Variants in CYLC2 observed in about 807,000 individuals in gnomAD.
CYLC2 encodes cylicin-2.
A neutral mutation model predicts 26.1 loss-of-function variants in CYLC2; 30 were observed. The observed-to-expected ratio is 1.15, with a 90% CI of 0.86 to 1.56. The LOEUF is 1.56. Among genes scored for constraint, CYLC2 ranks in the 40% most tolerant of loss-of-function variants. The pLI is 0.00. For missense variants in CYLC2, 498 were observed against 394.4 expected (o/e 1.26, Z -2.23); for synonymous variants, 158 against 132.8 (o/e 1.19, Z -1.31).
chr9:103,002,404 C>A (rs943215328), intron 2 of CYLC2, among the ~76,000 whole-genome samples: 1 of 119,558 alleles, frequency 8.4e-6, no homozygotes, highest in Non-Finnish European at 1.6e-5. Context: ...CTTGCTCTGT[C>A]GCTCAAGCTG....
At chr9:103,014,004 TTATAA>T (rs1391916299) in intron 6 of CYLC2, among the ~76,000 whole-genome samples, 4 of 115,286 alleles carry the variant, frequency 3.5e-5, no homozygotes, top group Admixed American at 1.1e-4. Context: ...TACAGTTATA[TTATAA>T]TATATTAAAT....
At position 103,005,197 on chromosome 9, in the gene CYLC2, AC is replaced by A; in HGVS notation, c.567del (p.Asn189LysfsTer44). The A allele has an allele frequency of 6.2e-7, 1 of 1,607,708 alleles. No homozygotes were observed. Among genetic ancestry groups the A allele is most frequent in the South Asian group, 1.1e-5 (1 of 90,250 alleles). On this transcript the variant is annotated frameshift_variant, in exon 5 of 8. Coordinates refer to ENST00000374798, the MANE Select transcript of CYLC2 (RefSeq NM_001340.5). LOFTEE classifies it high-confidence loss of function. ...EDEKGGAKKD[N>X]KKDKKDSNKG... Reference sequence around the variant, plus strand: ...GAAAAAGGAGGTGCAAAGAAAGATAACAAAAAAGATAAAAAGGATTCAAACA... The same window carrying A: ...GAAAAAGGAGGTGCAAAGAAAGATAAAAAAAAGATAAAAAGGATTCAAACA...
chr9:103,017,457 T>A (rs1405851132), intron 7 of CYLC2, among the ~76,000 whole-genome samples: 1 of 152,092 alleles, frequency 6.6e-6, no homozygotes, highest in Non-Finnish European at 1.5e-5. Context: ...TAATTGCTCC[T>A]AATTTGGTTT....
In CYLC2 at chr9:103,005,256, G is replaced by A. The variant is rs756585119; in HGVS notation, c.625G>A (p.Glu209Lys). 2 of 1,613,346 alleles carry A rather than the reference G, an allele frequency of 1.2e-6. No homozygotes were observed. The highest frequency in any genetic ancestry group is 1.7e-6 in the Non-Finnish European group (2 of 1,179,802). ...AGACTCGGCAACAGAATCTGAAGGTGAAAAAGGAGGTACAGAGAAAGATAG... is the reference window on the plus strand; with the variant it reads ...AGACTCGGCAACAGAATCTGAAGGTAAAAAAGGAGGTACAGAGAAAGATAG... ...GKDSATESEG[E>K]KGGTEKDSKK... Residue 209 changes from glutamate to lysine, a missense_variant, in exon 5 of 8, where the codon GAA becomes AAA. Glu to Lys is a moderately conservative substitution (Grantham distance 56, BLOSUM62 1). Coordinates refer to ENST00000374798, the MANE Select transcript of CYLC2 (RefSeq NM_001340.5).
At position 103,005,439 on chromosome 9, in the gene CYLC2, G is replaced by C. The variant is rs1173404236; in HGVS notation, c.808G>C (p.Gly270Arg). ...AKKDAKEIKKGKKDKKKPSST... is the reference protein window; with the variant it reads ...AKKDAKEIKKRKKDKKKPSST... Reference sequence around the variant, plus strand: ...GAAAGATGCAAAGGAGATTAAAAAAGGTAAGAAAGATAAGAAGAAGCCCAG... The same window carrying C: ...GAAAGATGCAAAGGAGATTAAAAAACGTAAGAAAGATAAGAAGAAGCCCAG... Residue 270 changes from glycine to arginine, a missense_variant, in exon 5 of 8, where the codon GGT (glycine) becomes CGT (arginine). Transcript: ENST00000374798. The C allele has an allele frequency of 1.9e-6, 3 of 1,613,348 alleles. No individual in the cohort carries two copies. Among genetic ancestry groups the C allele is most frequent in the Non-Finnish European group, 2.5e-6 (3 of 1,179,844 alleles).
chr9:103,013,671 T>C lies in CYLC2; in HGVS notation c.*816+1574T>C, dbSNP rs560396014. Among the ~76,000 whole-genome samples, 782 of 112,630 alleles carry C rather than the reference T, an allele frequency of 6.9e-3. 10 individuals are homozygous for C. Among genetic ancestry groups the C allele is most frequent in the Middle Eastern group, 0.037 (3 of 82 alleles). 73.9% of individuals were successfully genotyped at this position (112,630 alleles called of 152,430 possible). ...AAAAATATAAATATATTATATTAAA[T>C]AATATATATGATATATAATATATCC... On this transcript the variant is annotated intron_variant, in intron 6 of 7. Coordinates refer to ENST00000374798, the MANE Select transcript of CYLC2 (RefSeq NM_001340.5).
intron 6 of CYLC2, among the ~76,000 whole-genome samples, chr9:103,013,381 TATAA>T (rs1217565703): frequency 9.2e-6 from 1 of 108,880 alleles, no homozygotes; most frequent in Non-Finnish European, 1.7e-5. Context: ...TAATATATTA[TATAA>T]ATATATATTA....
At chr9:103,001,744 A>C in intron 2 of CYLC2, 126 bp downstream of exon 2, 1 of 627,232 alleles carries the variant, frequency 1.6e-6, no homozygotes, top group Non-Finnish European at 2.7e-6. Flanking sequence ...CTATTTCCCA[A>C]GGAACCTTTC....
intron 5 of CYLC2, among the ~76,000 whole-genome samples, chr9:103,010,536 A>G (rs761467634): frequency 8.5e-5 from 13 of 152,132 alleles, no homozygotes; most frequent in Non-Finnish European, 1.5e-4. Context: ...TGAATCTCAT[A>G]TGACACCAAC....
At chr9:103,001,640 A>T in intron 2 of CYLC2, 22 bp downstream of exon 2, 2 of 1,474,568 alleles carry the variant, frequency 1.4e-6, no homozygotes, top group Non-Finnish European at 1.9e-6. Context: ...TTCAATATTT[A>T]TTACAAAACA....
chr9:103,017,653 A>G (rs1390068623), intron 7 of CYLC2, among the ~76,000 whole-genome samples: 1 of 152,026 alleles, frequency 6.6e-6, no homozygotes, highest in African/African-American at 2.4e-5. Flanking sequence ...AACTTTTCCT[A>G]GATATAGTTG....
chr9:102,995,809 C>T (rs565477594), intron 1 of CYLC2, among the ~76,000 whole-genome samples: 98 of 151,852 alleles, frequency 6.5e-4, no homozygotes, highest in South Asian at 8.3e-4. Context: ...GGCATTATAT[C>T]GCAGTGTTAA....
intron 1 of CYLC2, among the ~76,000 whole-genome samples, chr9:102,998,721 T>C (rs532979573): frequency 1.8e-4 from 28 of 152,066 alleles, no homozygotes; most frequent in African/African-American, 6.5e-4. Context: ...AAGAAATACA[T>C]AGAAAACTTT....
intron 5 of CYLC2, among the ~76,000 whole-genome samples, chr9:103,010,133 C>A (rs543469691): frequency 6.6e-6 from 1 of 151,720 alleles, no homozygotes; most frequent in African/African-American, 2.4e-5. Flanking sequence ...GAAATCAATA[C>A]AATCAATTTT....
rs760768001 is a variant in CYLC2 at position 103,005,336 on chromosome 9, A to C, written c.705A>C (p.Gln235His). Reference protein sequence around the residue: ...KKGKDSAIELQAVKADEKKDE... With the variant: ...KKGKDSAIELHAVKADEKKDE... ...GCAAGGATTCAGCCATAGAATTACA[A>C]GCTGTAAAAGCAGATGAAAAGAAGG... is the stretch of plus-strand genomic sequence containing the variant. Residue 235 changes from glutamine (Q) to histidine (H), a missense_variant, in exon 5 of 8, where the codon CAA becomes CAC. Physicochemically the swap from Gln to His is conservative, Grantham distance 24. Transcript: ENST00000374798. The C allele has an allele frequency of 6.2e-7, 1 of 1,613,844 alleles. No individual in the cohort carries two copies. Among genetic ancestry groups the C allele is most frequent in the Non-Finnish European group, 8.5e-7 (1 of 1,179,976 alleles).
chr9:103,004,681 T>C lies in CYLC2; in HGVS notation c.181-14T>C, dbSNP rs1829320526. 1 of 1,572,302 alleles carries C rather than the reference T, an allele frequency of 6.4e-7. No homozygotes were observed. The highest frequency in any genetic ancestry group is 1.2e-5 in the South Asian group (1 of 85,654). ...ACTCACAAGTTGTTCATCATTATTG[T>C]AACCATCTTTCAGATAATTGATGAA... On this transcript the variant is annotated splice_polypyrimidine_tract_variant and intron_variant, in intron 3 of 7. Coordinates refer to ENST00000374798, the MANE Select transcript of CYLC2 (RefSeq NM_001340.5).
At chr9:103,015,438 A>G (rs1328287127) in intron 6 of CYLC2, among the ~76,000 whole-genome samples, 3 of 137,060 alleles carry the variant, frequency 2.2e-5, no homozygotes, top group Admixed American at 1.6e-4. Context: ...ATACTTATAT[A>G]TCATTAATAT....
chr9:103,007,502 T>C (rs1461436515), intron 5 of CYLC2, among the ~76,000 whole-genome samples: 1 of 152,064 alleles, frequency 6.6e-6, no homozygotes, highest in Non-Finnish European at 1.5e-5. Flanking sequence ...AATATATACA[T>C]AATATTTATT....
intron 5 of CYLC2, among the ~76,000 whole-genome samples, chr9:103,009,209 C>T (rs1025093735): frequency 1.3e-5 from 2 of 151,948 alleles, no homozygotes; most frequent in Non-Finnish European, 2.9e-5. Flanking sequence ...ATTTCATAGA[C>T]TAATTTATTT....
Sources: gnomAD v4.1 joint callset for allele counts (sites outside exome capture counted in the v4.1 genomes callset) on GRCh38, gnomAD v4.1.1 for gene constraint, MANE v1.5 for transcripts, NCBI Gene and HGNC (gene_info 2026-07-23, HGNC 2026-07-21) for gene names.